The following GRIK2 variants were observed in gnomAD, a reference collection of about 807,000 sequenced individuals.
The protein encoded by GRIK2 is glutamate ionotropic receptor kainate type subunit 2.
In GRIK2, 32 loss-of-function variants were observed where a neutral mutation model predicts 100.3. The observed-to-expected ratio is 0.32, with a 90% CI of 0.24 to 0.43. The LOEUF is 0.43. GRIK2 is among the 20% of genes least tolerant of loss of function. The probability of loss-of-function intolerance (pLI) is 1.00; values close to 1 mark genes in which losing one functional copy is unlikely to be tolerated. For synonymous variants in GRIK2, 417 were observed against 389.4 expected (o/e 1.07, Z -0.83); for missense variants, 843 against 1,114.9 (o/e 0.76, Z 3.47).
chr6:101,502,738 T>C (rs1184408671), intron 2 of GRIK2, among the ~76,000 whole-genome samples: 1 of 152,130 alleles, frequency 6.6e-6, no homozygotes, highest in Non-Finnish European at 1.5e-5. Flanking sequence ...AGTGTGCGAA[T>C]TGAAACACTA....
At chr6:101,935,105 CTT>C (rs1790534681) in intron 14 of GRIK2, among the ~76,000 whole-genome samples, 1 of 151,826 alleles carries the variant, frequency 6.6e-6, no homozygotes, top group African/African-American at 2.4e-5. Flanking sequence ...CAGGTTATGT[CTT>C]TTAGTTTGCA....
chr6:102,008,416 T>C (rs1462191695), intron 14 of GRIK2, among the ~76,000 whole-genome samples: 2 of 152,114 alleles, frequency 1.3e-5, no homozygotes, highest in African/African-American at 4.8e-5. Flanking sequence ...TTGAAAGCAA[T>C]GTCGCCTGAT....
At chr6:101,837,998 C>T (rs986828316) in intron 10 of GRIK2, among the ~76,000 whole-genome samples, 8 of 152,006 alleles carry the variant, frequency 5.3e-5, no homozygotes, top group Non-Finnish European at 8.8e-5. Context: ...TCCCCTTCTC[C>T]CCCAAAGCAC....
intron 7 of GRIK2, among the ~76,000 whole-genome samples, chr6:101,759,553 G>A (rs901905114): frequency 1.3e-5 from 2 of 152,130 alleles, no homozygotes; most frequent in African/African-American, 4.8e-5. Context: ...GACAAATGAG[G>A]TTTGGAGAGG....
At chr6:101,448,834 G>T (rs1011491006) in intron 2 of GRIK2, among the ~76,000 whole-genome samples, 3 of 151,480 alleles carry the variant, frequency 2.0e-5, no homozygotes, top group Non-Finnish European at 4.4e-5. Flanking sequence ...GAAGCATATG[G>T]CTAGAAAGTC....
chr6:102,005,372 T>G (rs777367688), intron 14 of GRIK2, among the ~76,000 whole-genome samples: 1 of 152,036 alleles, frequency 6.6e-6, no homozygotes, highest in Non-Finnish European at 1.5e-5. Context: ...ACTTCTTATT[T>G]ATAAATTAGC....
chr6:101,738,436 C>T (rs1001701096), intron 7 of GRIK2, among the ~76,000 whole-genome samples: 5 of 152,110 alleles, frequency 3.3e-5, no homozygotes, highest in African/African-American at 9.7e-5. Flanking sequence ...TGCCTATTTT[C>T]AGACTTTGTA....
chr6:101,884,929 A>G (rs1460804224), intron 11 of GRIK2, among the ~76,000 whole-genome samples: 1 of 152,134 alleles, frequency 6.6e-6, no homozygotes, highest in Non-Finnish European at 1.5e-5. Flanking sequence ...GGAATATTAA[A>G]TTAGTGCTTA....
intron 2 of GRIK2, among the ~76,000 whole-genome samples, chr6:101,618,017 T>C (rs886602613): frequency 5.2e-4 from 79 of 151,674 alleles, no homozygotes; most frequent in Non-Finnish European, 5.9e-5. Flanking sequence ...CTGTTGAGTG[T>C]GTGTCTTGTG....
chr6:102,038,658 C>CA (rs56704312), intron 15 of GRIK2, among the ~76,000 whole-genome samples: 22 of 80,346 alleles, frequency 2.7e-4, no homozygotes, highest in East Asian at 1.2e-3. Flanking sequence ...TAAACAACAA[C>CA]AAAAAAAAGG....
intron 7 of GRIK2, among the ~76,000 whole-genome samples, chr6:101,732,330 TA>T (rs1318558989): frequency 3.3e-5 from 5 of 152,042 alleles, no homozygotes; most frequent in African/African-American, 1.2e-4. Context: ...ATGATATTTT[TA>T]AAAAATTAAT....
chr6:101,491,687 A>G (rs1162688815), intron 2 of GRIK2, among the ~76,000 whole-genome samples: 1 of 151,954 alleles, frequency 6.6e-6, no homozygotes, highest in African/African-American at 2.4e-5. Flanking sequence ...ACCCAAAAAT[A>G]TTTCAGCATT....
intron 2 of GRIK2, among the ~76,000 whole-genome samples, chr6:101,617,793 CT>C (rs35531199): frequency 6.6e-6 from 1 of 151,588 alleles, no homozygotes; most frequent in African/African-American, 2.4e-5. Flanking sequence ...CTGCCATTTT[CT>C]TTTTTTGTAG....
chr6:101,752,596 C>T (rs2128385339), intron 7 of GRIK2, among the ~76,000 whole-genome samples: 1 of 152,192 alleles, frequency 6.6e-6, no homozygotes, highest in Admixed American at 6.5e-5. Flanking sequence ...ATAATTTAAT[C>T]TTCTATTTTA....
At chr6:101,726,933 CCTGA>C (rs66992206) in intron 7 of GRIK2, among the ~76,000 whole-genome samples, 14,419 of 151,892 alleles carry the variant, frequency 0.095, 811 homozygotes, top group South Asian at 0.2. Context: ...ATGCTGTTGG[CCTGA>C]CTGACATCTG....
At chr6:101,921,270 A>G (rs1283846595) in intron 12 of GRIK2, among the ~76,000 whole-genome samples, 2 of 53,694 alleles carry the variant, frequency 3.7e-5, no homozygotes, top group Admixed American at 4.1e-4. Context: ...TAAGAAATGT[A>G]ATAAAAGAAA....
In GRIK2 at chr6:101,928,062, T is replaced by A. The variant is rs139887433; in HGVS notation, c.1868-353T>A. 5.5e-3 allele frequency: 1,159 copies of A among 210,556 alleles called. 4 individuals are homozygous for A. The highest frequency in any genetic ancestry group is 8.4e-3 in the Non-Finnish European group (865 of 103,382). The allele number at this position is 210,556 out of a possible 1,614,324, so 13.0% of individuals were successfully genotyped here. ...TGAAACCCTCATAACTAACAAAATA[T>A]GAAAAAACAATAAATGTGGTTTATA... On this transcript the variant is annotated intron_variant, in intron 13 of 16. Transcript: ENST00000369134.
intron 7 of GRIK2, among the ~76,000 whole-genome samples, chr6:101,744,052 C>T (rs1776219240): frequency 6.6e-6 from 1 of 152,044 alleles, no homozygotes; most frequent in Non-Finnish European, 1.5e-5. Flanking sequence ...ACACCATTCT[C>T]CTGCTTCAGC....
intron 14 of GRIK2, among the ~76,000 whole-genome samples, chr6:101,994,337 G>A (rs1224453418): frequency 6.6e-6 from 1 of 151,420 alleles, no homozygotes; most frequent in Non-Finnish European, 1.5e-5. Context: ...ACATAGCAGT[G>A]TTCATTAAAT....
Sources: allele counts gnomAD v4.1 joint callset (sites outside exome capture counted in the v4.1 genomes callset), GRCh38; gene constraint gnomAD v4.1.1; transcripts MANE v1.5; gene names NCBI Gene and HGNC (gene_info 2026-07-23, HGNC 2026-07-21).